TMEM91: variants seen among roughly 807,000 people sequenced by gnomAD.
TMEM91 encodes transmembrane protein 91.
Under a neutral mutation model 13.3 loss-of-function variants are expected in TMEM91, and 6 were observed. The ratio of observed to expected loss-of-function variants is 0.45; its 90% CI spans 0.25 to 0.89. The LOEUF is 0.89. Ranked by LOEUF, TMEM91 falls within the 40% of genes least tolerant of loss-of-function variation. The pLI is 0.19. For synonymous variants in TMEM91, 87 were observed against 101.7 expected (o/e 0.86, Z 0.87); for missense variants, 193 against 228.7 (o/e 0.84, Z 1.01).
chr19:41,368,331 C>T (rs149623322), intron 1 of TMEM91, among the ~76,000 whole-genome samples: 2,503 of 151,984 alleles, frequency 0.016, 27 homozygotes, highest in Middle Eastern at 0.027. Flanking sequence ...GCAGGAGGAT[C>T]CCTTGAGCCC....
chr19:41,368,336 G>T (rs2038560632), intron 1 of TMEM91, among the ~76,000 whole-genome samples: 2 of 151,646 alleles, frequency 1.3e-5, no homozygotes, highest in Non-Finnish European at 2.9e-5. Context: ...AGGATCCCTT[G>T]AGCCCAGGAG....
At chr19:41,366,031 C>A (rs931363186) in intron 1 of TMEM91, among the ~76,000 whole-genome samples, 4 of 130,668 alleles carry the variant, frequency 3.1e-5, no homozygotes, top group African/African-American at 8.5e-5. Flanking sequence ...TTTGTATTTT[C>A]TTTTTTATTT....
upstream of TMEM91, chr19:41,363,997 C>G (rs1276837239): frequency 4.7e-6 from 1 of 211,244 alleles, no homozygotes; most frequent in Non-Finnish European, 9.9e-6. Flanking sequence ...AAAGCGGCAA[C>G]CGGGGTTGTA....
In TMEM91 at chr19:41,384,068, C is replaced by A; in HGVS notation, c.*195C>A. The A allele has an allele frequency of 2.0e-6, 2 of 1,022,136 alleles. No individual in the cohort carries two copies. Among genetic ancestry groups the A allele is most frequent in the Non-Finnish European group, 2.7e-6 (2 of 740,488 alleles). 63.3% of individuals were successfully genotyped at this position (1,022,136 alleles called of 1,614,324 possible). A position where few individuals can be genotyped will look rare whatever the true frequency, so the allele number is the denominator to read the frequency against. ...CAGCAACCTGAGATTAAACACCAGA[C>A]ACCCTTGCAGCCAAACCAGAGTCTG... On this transcript the variant is annotated 3_prime_UTR_variant, in exon 4 of 4. Coordinates refer to ENST00000392002, the MANE Select transcript of TMEM91 (RefSeq NM_001098821.2).
chr19:41,364,573 G>T (rs1040480120), intron 1 of TMEM91, among the ~76,000 whole-genome samples: 1 of 152,016 alleles, frequency 6.6e-6, no homozygotes, highest in Non-Finnish European at 1.5e-5. Flanking sequence ...CTCATTCAGA[G>T]AGTGGAGAAG....
intron 1 of TMEM91, among the ~76,000 whole-genome samples, chr19:41,364,971 G>A (rs1038306019): frequency 1.3e-5 from 2 of 151,764 alleles, no homozygotes; most frequent in African/African-American, 4.8e-5. Flanking sequence ...TAACTCCTGG[G>A]TTCAAGGGAT....
In TMEM91 at chr19:41,383,790, CTCGCCGTCGG is replaced by C; in HGVS notation, c.437_446del (p.Leu146ArgfsTer12). 6.2e-7 allele frequency: 1 copy of C among 1,610,836 alleles called. No homozygotes were observed. Among genetic ancestry groups the C allele is most frequent in the Non-Finnish European group, 8.5e-7 (1 of 1,178,228 alleles). On this transcript the variant is annotated frameshift_variant, in exon 4 of 4. Coordinates refer to ENST00000392002, the MANE Select transcript of TMEM91 (RefSeq NM_001098821.2). LOFTEE classifies it high-confidence loss of function. ...CCGCCGTGCCTTCCTGCTGGGGGTCCTCGCCGTCGGGCTGGGCGTGTGCACGTATGCGGCT... is the reference window on the plus strand; with the variant it reads ...CCGCCGTGCCTTCCTGCTGGGGGTCCGCTGGGCGTGTGCACGTATGCGGCT...
chr19:41,378,357 C>T lies in TMEM91; in HGVS notation c.48C>T (p.Gly16=). The stretch of plus-strand genomic sequence containing the variant: ...AGCTTCAACAGCCTCTGCTGGAGGG[C>T]ACAGAATGTGAGACCCCTGCCCAGA... The part of the protein sequence containing the change: ...LRELQQPLLE[G]TECETPAQKP... The change falls in exon 2 of 4, where the codon GGC becomes GGT. Residue 16 remains glycine, a synonymous_variant. Coordinates refer to ENST00000392002, the MANE Select transcript of TMEM91 (RefSeq NM_001098821.2). 6.2e-7 allele frequency: 1 copy of T among 1,614,200 alleles called. No individual in the cohort carries two copies. Among genetic ancestry groups the T allele is most frequent in the Non-Finnish European group, 8.5e-7 (1 of 1,180,032 alleles).
At chr19:41,369,569 C>T (rs2038581869) in intron 1 of TMEM91, among the ~76,000 whole-genome samples, 1 of 150,778 alleles carries the variant, frequency 6.6e-6, no homozygotes, top group Non-Finnish European at 1.5e-5. Flanking sequence ...CTTTGGGAGG[C>T]CGAGGCAGGC....
At chr19:41,371,473 G>T (rs2123168476) in intron 1 of TMEM91, among the ~76,000 whole-genome samples, 1 of 149,486 alleles carries the variant, frequency 6.7e-6, no homozygotes, top group East Asian at 2.0e-4. Flanking sequence ...AGGCTGGAGT[G>T]CAGTGGCACA....
At position 41,367,361 on chromosome 19, in the gene TMEM91, G is replaced by A. The variant is rs141557220; in HGVS notation, c.-30+3266G>A. 5.7e-3 allele frequency among the ~76,000 whole-genome samples: 864 copies of A among 152,092 alleles called. 4 individuals carry two copies. Among genetic ancestry groups the A allele is most frequent in the African/African-American group, 0.02 (815 of 41,516 alleles). On this transcript the variant is annotated intron_variant, in intron 1 of 3. Coordinates refer to the TMEM91 transcript ENST00000413014. ...AAGATCTTGCTCTGGGGCTGGGCGC[G>A]GTGGCTCACGCCTGTAATCCCAGCA...
chr19:41,380,278 C>T (rs1297257706), intron 2 of TMEM91, among the ~76,000 whole-genome samples: 1 of 152,134 alleles, frequency 6.6e-6, no homozygotes. Flanking sequence ...AGTCAGGCAG[C>T]TTATGTACCT....
At chr19:41,370,003 C>T (rs954225922) in intron 1 of TMEM91, among the ~76,000 whole-genome samples, 1 of 152,042 alleles carries the variant, frequency 6.6e-6, no homozygotes, top group African/African-American at 2.4e-5. Context: ...CAAAACAACT[C>T]CCCTATTCCC....
At chr19:41,383,578 C>CTA (rs2038945112) in intron 3 of TMEM91, 137 bp from the exon 4 acceptor site, 1 of 1,613,564 alleles carries the variant, frequency 6.2e-7, no homozygotes, top group African/African-American at 1.3e-5. Flanking sequence ...AGTGCCTGAC[C>CTA]TATAGTAGGT....
rs1470483004 is a variant in TMEM91 at position 41,382,784 on chromosome 19, A to G, written c.223A>G (p.Ser75Gly). 1.2e-6 allele frequency: 2 copies of G among 1,613,896 alleles called. No individual in the cohort carries two copies. The highest frequency in any genetic ancestry group is 1.7e-6 in the Non-Finnish European group (2 of 1,179,916). ...TTCCTGTCCGTAGGACATGTCATCC[A>G]GTGACAGTGACTCGGACTGGGATGG... is the stretch of plus-strand genomic sequence containing the variant. Reference protein sequence around the residue: ...RPPDVEDMSSSDSDSDWDGGS... With the variant: ...RPPDVEDMSSGDSDSDWDGGS... The change falls in exon 3 of 4, where the codon AGT becomes GGT. Residue 75 changes from serine (S) to glycine (G), a missense_variant. By Grantham distance (56) the Ser-to-Gly change is moderately conservative. Transcript: ENST00000392002.
chr19:41,383,455 A>G, intron 3 of TMEM91: 3 of 1,245,474 alleles, frequency 2.4e-6, no homozygotes, highest in Middle Eastern at 3.0e-4. Context: ...TGAGAATCAA[A>G]TGAGTTAGAA....
intron 1 of TMEM91, among the ~76,000 whole-genome samples, chr19:41,367,954 T>G (rs2038555026): frequency 6.6e-6 from 1 of 152,046 alleles, no homozygotes; most frequent in African/African-American, 2.4e-5. Flanking sequence ...TCTGAGGTGA[T>G]CTTATCTCTG....
Position 41,366,052 on chromosome 19 carries a change from CTT to C in TMEM91, c.-30+1976_-30+1977del, listed in dbSNP as rs11375696. Among the ~76,000 whole-genome samples, 354 of 105,832 alleles carry C rather than the reference CTT, an allele frequency of 3.3e-3. 1 individual carries two copies. The highest frequency in any genetic ancestry group is 0.012 in the African/African-American group (320 of 26,158). 69.4% of individuals were successfully genotyped at this position (105,832 alleles called of 152,430 possible). On this transcript the variant is annotated intron_variant, in intron 1 of 3. Coordinates refer to the TMEM91 transcript ENST00000413014. Reference sequence around the variant, plus strand: ...TTTTCTTTTTTATTTTATTTATTTACTTTTTTTTTTTTTTTTTTTTGAGACAG... The same window carrying C: ...TTTTCTTTTTTATTTTATTTATTTACTTTTTTTTTTTTTTTTTTGAGACAG...
chr19:41,370,396 T>A (rs1382026078), intron 1 of TMEM91, among the ~76,000 whole-genome samples: 3 of 121,216 alleles, frequency 2.5e-5, no homozygotes, highest in Non-Finnish European at 5.3e-5. Context: ...ATTTTTATTT[T>A]ATTTATTTAT....
Sources: allele counts gnomAD v4.1 joint callset (sites outside exome capture counted in the v4.1 genomes callset), GRCh38; gene constraint gnomAD v4.1.1; transcripts MANE v1.5; gene names NCBI Gene and HGNC (gene_info 2026-07-23, HGNC 2026-07-21).